Variants in MSH3 observed in about 807,000 individuals in gnomAD.
The protein encoded by MSH3 is DNA mismatch repair protein Msh3.
In MSH3, 106 loss-of-function variants were observed where a neutral mutation model predicts 123.3. The ratio of observed to expected loss-of-function variants is 0.86; its 90% CI spans 0.73 to 1.01. MSH3 has a LOEUF of 1.01. Among genes scored for constraint, MSH3 ranks in the 50% least tolerant of loss-of-function variants. MSH3 has a pLI of 0.00. For synonymous variants in MSH3, 515 were observed against 481.4 expected, an observed-to-expected ratio of 1.07 and a Z score of -0.91; for missense variants, 1,459 against 1,347.6, an observed-to-expected ratio of 1.08 and a Z score of -1.29.
chr5:80,703,575 A>G (rs1236953826), intron 8 of MSH3, among the ~76,000 whole-genome samples: 2 of 152,058 alleles, frequency 1.3e-5, no homozygotes, highest in Non-Finnish European at 2.9e-5. Flanking sequence ...GGGGCTGCAG[A>G]GCAAAGGGCT....
intron 8 of MSH3, among the ~76,000 whole-genome samples, chr5:80,698,927 G>A (rs1011742849): frequency 7.9e-5 from 12 of 152,128 alleles, no homozygotes; most frequent in Non-Finnish European, 5.9e-5. Context: ...TTGTGCACAT[G>A]TACCCTAGAA....
chr5:80,873,522 A>G (rs1003192489), intron 23 of MSH3, among the ~76,000 whole-genome samples: 9 of 152,236 alleles, frequency 5.9e-5, no homozygotes, highest in Non-Finnish European at 8.8e-5. Flanking sequence ...TCATTTTTAT[A>G]AAGAATTAAG....
chr5:80,832,617 A>T (rs1402994170), intron 20 of MSH3, among the ~76,000 whole-genome samples: 1 of 142,366 alleles, frequency 7.0e-6, no homozygotes, highest in Non-Finnish European at 1.5e-5. Flanking sequence ...AGACTCCATT[A>T]AAAAAAAAAA....
At chr5:80,810,740 T>C (rs1159789752) in intron 19 of MSH3, among the ~76,000 whole-genome samples, 1 of 152,194 alleles carries the variant, frequency 6.6e-6, no homozygotes, top group Admixed American at 6.5e-5. Flanking sequence ...GGTATATTCC[T>C]TCATTTAATT....
At chr5:80,710,747 T>G (rs1390209614) in intron 8 of MSH3, among the ~76,000 whole-genome samples, 2 of 152,152 alleles carry the variant, frequency 1.3e-5, no homozygotes, top group Admixed American at 1.3e-4. Flanking sequence ...TACGAAAGGA[T>G]AGGGGTTTTA....
intron 8 of MSH3, among the ~76,000 whole-genome samples, chr5:80,723,702 T>C (rs1173776301): frequency 1.3e-5 from 2 of 152,166 alleles, no homozygotes; most frequent in Non-Finnish European, 2.9e-5. Flanking sequence ...CAGTTTTTTA[T>C]AAAACATGAA....
rs770201470 is a variant in MSH3, at chr5:80,654,726, C to T, written c.-2C>T. 5.0e-6 allele frequency: 8 copies of T among 1,597,356 alleles called. No individual in the cohort carries two copies. Among genetic ancestry groups the T allele is most frequent in the African/African-American group, 2.8e-5 (2 of 72,612 alleles). ...CCGCCGGGCTGCCATCCTTGCCCTGCCATGTCTCGCCGGAAGCCTGCGTCG... is the reference window on the plus strand; with the variant it reads ...CCGCCGGGCTGCCATCCTTGCCCTGTCATGTCTCGCCGGAAGCCTGCGTCG... On this transcript the variant is annotated 5_prime_UTR_variant, in exon 1 of 24. Transcript: ENST00000265081.
Position 80,741,470 on chromosome 5 carries a change from T to C in MSH3, c.1575T>C (p.Phe525=). Residue 525 remains phenylalanine (F), a synonymous_variant, in exon 11 of 24, where the codon TTT becomes TTC. Coordinates refer to ENST00000265081, the MANE Select transcript of MSH3 (RefSeq NM_002439.5). ...LEKMLSKPEN[F]KQLSSKMEFM... is the part of the protein sequence containing the mutation. ...ATATTTGATTCTTTTACAGGAATTTTAAACAGCTATCAAGTAAAATGGAAT... is the reference window on the plus strand; with the variant it reads ...ATATTTGATTCTTTTACAGGAATTTCAAACAGCTATCAAGTAAAATGGAAT... The C allele has an allele frequency of 6.4e-7, 1 of 1,574,598 alleles. No individual in the cohort carries two copies. The highest frequency in any genetic ancestry group is 8.7e-7 in the Non-Finnish European group (1 of 1,143,912).
chr5:80,748,856 T>C (rs1363205316), intron 12 of MSH3, among the ~76,000 whole-genome samples: 1 of 152,002 alleles, frequency 6.6e-6, no homozygotes, highest in African/African-American at 2.4e-5. Flanking sequence ...ATTGGTGGGT[T>C]ATGTGGGATG....
intron 19 of MSH3, among the ~76,000 whole-genome samples, chr5:80,801,485 G>C (rs1744789610): frequency 6.6e-6 from 1 of 152,166 alleles, no homozygotes. Context: ...ACAAATATTT[G>C]AGTTTAGTGG....
chr5:80,715,764 A>G (rs1750947508), intron 8 of MSH3, among the ~76,000 whole-genome samples: 1 of 152,020 alleles, frequency 6.6e-6, no homozygotes, highest in African/African-American at 2.4e-5. Flanking sequence ...GGTGCCATAC[A>G]CTTTCAAACA....
At chr5:80,769,500 T>C (rs187269433) in intron 15 of MSH3, among the ~76,000 whole-genome samples, 118 of 152,200 alleles carry the variant, frequency 7.8e-4, no homozygotes, top group Middle Eastern at 6.8e-3. Context: ...TGGTACTGTT[T>C]AGAATATGTT....
chr5:80,748,719 CACACACACACACA>C (rs1743769834), intron 12 of MSH3, among the ~76,000 whole-genome samples: 8 of 151,482 alleles, frequency 5.3e-5, no homozygotes, highest in East Asian at 3.9e-4. Flanking sequence ...CACACACACA[CACACACACACACA>C]CCCATATGTA....
At chr5:80,775,957 T>G (rs991105531) in intron 16 of MSH3, among the ~76,000 whole-genome samples, 199 bp downstream of exon 16, 2 of 151,996 alleles carry the variant, frequency 1.3e-5, no homozygotes, top group African/African-American at 4.8e-5. Context: ...TGGTATGATC[T>G]CAGCTCACTG....
At chr5:80,821,091 A>C (rs998800750) in intron 20 of MSH3, among the ~76,000 whole-genome samples, 5 of 152,314 alleles carry the variant, frequency 3.3e-5, no homozygotes, top group Middle Eastern at 3.4e-3. Context: ...TGCATATAAA[A>C]CAATCTAGTA....
chr5:80,824,003 A>C (rs2112069461), intron 20 of MSH3, among the ~76,000 whole-genome samples: 1 of 152,340 alleles, frequency 6.6e-6, no homozygotes, highest in Non-Finnish European at 1.5e-5. Context: ...CAGAGAGCAC[A>C]GGGTTGGGGG....
intron 4 of MSH3, among the ~76,000 whole-genome samples, chr5:80,671,236 T>C (rs947195246): frequency 2.0e-5 from 3 of 152,196 alleles, no homozygotes; most frequent in Admixed American, 2.0e-4. Flanking sequence ...AGGGAAAGTA[T>C]TGCAGATGAC....
intron 8 of MSH3, among the ~76,000 whole-genome samples, chr5:80,679,679 G>A (rs763603731): frequency 4.6e-5 from 7 of 152,190 alleles, no homozygotes; most frequent in Non-Finnish European, 1.0e-4. Flanking sequence ...GGCGCTGTGC[G>A]TACAGAGGAA....
intron 8 of MSH3, among the ~76,000 whole-genome samples, chr5:80,704,306 A>G (rs964591156): frequency 6.6e-6 from 1 of 152,182 alleles, no homozygotes; most frequent in Non-Finnish European, 1.5e-5. Context: ...TTCCAGAGTT[A>G]AATACTGGCT....
Sources: allele counts gnomAD v4.1 joint callset (sites outside exome capture counted in the v4.1 genomes callset), GRCh38; gene constraint gnomAD v4.1.1; transcripts MANE v1.5; gene names NCBI Gene and HGNC (gene_info 2026-07-23, HGNC 2026-07-21).